DIPK2A: variants seen among roughly 807,000 people sequenced by gnomAD.
DIPK2A encodes divergent protein kinase domain 2A, also known as Golgi Protein of 49 kDa.
A neutral mutation model predicts 39.0 loss-of-function variants in DIPK2A; 27 were observed. The observed-to-expected ratio is 0.69, with a 90% confidence interval of 0.51 to 0.96. The LOEUF is 0.96. Among genes scored for constraint, DIPK2A ranks in the 40% least tolerant of loss-of-function variants. The pLI is 0.00. For missense variants in DIPK2A, 528 were observed against 571.3 expected, an observed-to-expected ratio of 0.92 and a Z score of 0.77; for synonymous variants, 298 against 240.8, an observed-to-expected ratio of 1.24 and a Z score of -2.20.
intron 1 of DIPK2A, among the ~76,000 whole-genome samples, chr3:143,980,902 CTT>C (rs914575606): frequency 8.6e-5 from 13 of 151,832 alleles, no homozygotes; most frequent in Admixed American, 7.9e-4. Flanking sequence ...GAATTTTGAT[CTT>C]TTAAATTTAG....
chr3:143,973,047 G>A lies in DIPK2A; in HGVS notation c.657+58G>A, dbSNP rs2087680763. 7 of 1,515,324 alleles carry A rather than the reference G, an allele frequency of 4.6e-6. No homozygotes were observed. In the South Asian group the frequency reaches 7.3e-5, roughly 16 times the overall value. 93.9% of individuals were successfully genotyped at this position (1,515,324 alleles called of 1,614,324 possible). On this transcript the variant is annotated intron_variant, in intron 1 of 2. Coordinates refer to ENST00000315691, the MANE Select transcript of DIPK2A (RefSeq NM_173552.5). ...GGAGGGGCCGCGCGTGGGAATCAGA[G>A]TCGGGAGAAGTGGCTCAGCCAGCGC...
At chr3:143,976,923 G>C (rs1456121058) in intron 1 of DIPK2A, among the ~76,000 whole-genome samples, 1 of 152,070 alleles carries the variant, frequency 6.6e-6, no homozygotes, top group East Asian at 1.9e-4. Flanking sequence ...ATAAAGTAAA[G>C]GTAACTTTAA....
In DIPK2A at chr3:143,990,035, A is replaced by T. The variant is rs1206481574; in HGVS notation, c.*194A>T. On this transcript the variant is annotated 3_prime_UTR_variant, in exon 3 of 3. Transcript: ENST00000315691. The stretch of plus-strand genomic sequence containing the variant: ...AAAATCACATGATGCTTCTGCAAAT[A>T]AGTATGTTCTTATACTTTGGAGGCT... 6.9e-6 allele frequency: 4 copies of T among 582,896 alleles called. No homozygotes were observed. Among genetic ancestry groups the T allele is most frequent in the Admixed American group, 3.1e-5 (1 of 32,610 alleles). 36.1% of individuals were successfully genotyped at this position (582,896 alleles called of 1,614,324 possible).
Position 143,972,970 on chromosome 3 carries a change from C to G in DIPK2A, c.638C>G (p.Pro213Arg). The change falls in exon 1 of 3, where the codon CCC becomes CGC. Residue 213 changes from proline (P) to arginine (R), a missense_variant. Transcript: ENST00000315691. ...CTGCTGCTGACCCTGGCCTTCAACC[C>G]CGAGCCGCTGGTGCTACAGGTAGGC... ...MQLLLTLAFNPEPLVLQSFPS... is the reference protein window; with the variant it reads ...MQLLLTLAFNREPLVLQSFPS... The G allele has an allele frequency of 6.3e-7, 1 of 1,587,478 alleles. No homozygotes were observed. Among genetic ancestry groups the G allele is most frequent in the Non-Finnish European group, 8.5e-7 (1 of 1,169,984 alleles).
rs2087960956 is a variant in DIPK2A at position 143,990,172 on chromosome 3, TA to T, written c.*332del. ...GTACATTGGCTTGTGTATCAAAGGG[TA>T]CTTGGTACTTAGTTTGCATTTACTA... On this transcript the variant is annotated 3_prime_UTR_variant, in exon 3 of 3. Coordinates refer to ENST00000315691, the MANE Select transcript of DIPK2A (RefSeq NM_173552.5). 1 of 197,098 alleles carries T rather than the reference TA, an allele frequency of 5.1e-6. No homozygotes were observed. The highest frequency in any genetic ancestry group is 1.0e-5 in the Non-Finnish European group (1 of 96,364). 12.2% of individuals were successfully genotyped at this position (197,098 alleles called of 1,614,324 possible).
chr3:143,990,091 C>T lies in DIPK2A; in HGVS notation c.*250C>T, dbSNP rs550371092. ...TGTCATCAGCTGCTCCCCACTACCC[C>T]GGAATGCTTGAGTGGATTAATGAAT... On this transcript the variant is annotated 3_prime_UTR_variant, in exon 3 of 3. Coordinates refer to ENST00000315691, the MANE Select transcript of DIPK2A (RefSeq NM_173552.5). The T allele has an allele frequency of 3.4e-5, 15 of 447,302 alleles. No homozygotes were observed. The highest frequency in any genetic ancestry group is 7.6e-5 in the Admixed American group (2 of 26,406). 27.7% of individuals were successfully genotyped at this position (447,302 alleles called of 1,614,324 possible).
chr3:143,979,015 A>G (rs2107842406), intron 1 of DIPK2A, among the ~76,000 whole-genome samples: 1 of 152,236 alleles, frequency 6.6e-6, no homozygotes, highest in East Asian at 1.9e-4. Flanking sequence ...AAATGTTTTC[A>G]GTTGTAAAGC....
In DIPK2A at chr3:143,972,548, G is replaced by A; in HGVS notation, c.216G>A (p.Val72=). 4 of 1,612,362 alleles carry A rather than the reference G, an allele frequency of 2.5e-6. No homozygotes were observed. The highest frequency in any genetic ancestry group is 3.4e-6 in the Non-Finnish European group (4 of 1,179,718). ...SWCRRFLNGQ[V]VFEAWGRLRL... Reference sequence around the variant, plus strand: ...GCCGCCGCTTCCTCAACGGGCAGGTGGTATTCGAGGCGTGGGGCCGCTTGC... The same window carrying A: ...GCCGCCGCTTCCTCAACGGGCAGGTAGTATTCGAGGCGTGGGGCCGCTTGC... Residue 72 remains valine, a synonymous_variant, in exon 1 of 3, where the codon GTG becomes GTA. Transcript: ENST00000315691.
chr3:143,973,387 C>G, intron 1 of DIPK2A: 2 of 1,548,982 alleles, frequency 1.3e-6, no homozygotes, highest in South Asian at 1.2e-5. Flanking sequence ...TTGGACCTTT[C>G]CTAGTTCTTC....
Position 143,989,994 on chromosome 3 carries a change from A to G in DIPK2A, c.*153A>G, listed in dbSNP as rs1048577536. On this transcript the variant is annotated 3_prime_UTR_variant, in exon 3 of 3. Coordinates refer to ENST00000315691, the MANE Select transcript of DIPK2A (RefSeq NM_173552.5). Reference sequence around the variant, plus strand: ...GATCTTAATGTTAACATCCATCAAAATAAGACATTACTTCAAAAATCACAT... The same window carrying G: ...GATCTTAATGTTAACATCCATCAAAGTAAGACATTACTTCAAAAATCACAT... The G allele has an allele frequency of 1.6e-6, 1 of 615,858 alleles. No individual in the cohort carries two copies. Among genetic ancestry groups the G allele is most frequent in the Non-Finnish European group, 2.8e-6 (1 of 354,162 alleles). 38.1% of individuals were successfully genotyped at this position (615,858 alleles called of 1,614,324 possible). A position where few individuals can be genotyped will look rare whatever the true frequency, so the allele number is the denominator to read the frequency against.
chr3:143,977,812 G>A (rs1359633637), intron 1 of DIPK2A, among the ~76,000 whole-genome samples: 1 of 151,924 alleles, frequency 6.6e-6, no homozygotes, highest in Non-Finnish European at 1.5e-5. Context: ...AACAATTTTG[G>A]ATACCTCAAG....
intron 1 of DIPK2A, chr3:143,973,794 C>T: frequency 3.5e-6 from 2 of 576,240 alleles, no homozygotes; most frequent in Non-Finnish European, 3.1e-6. Context: ...GTTGTTTGCT[C>T]TCGTCTGACT....
chr3:143,972,086 C>CG lies in DIPK2A; in HGVS notation c.-243dup. The stretch of plus-strand genomic sequence containing the variant: ...AGGAGGCGCCGCCGGAGTCGGAGGG[C>CG]GGGGAGCTAGGAGGAGGGAGCTCGA... On this transcript the variant is annotated 5_prime_UTR_variant, in exon 1 of 3. Coordinates refer to ENST00000315691, the MANE Select transcript of DIPK2A (RefSeq NM_173552.5). The CG allele has an allele frequency of 2.6e-6, 1 of 385,192 alleles. No homozygotes were observed. Among genetic ancestry groups the CG allele is most frequent in the Non-Finnish European group, 4.6e-6 (1 of 218,230 alleles). 23.9% of individuals were successfully genotyped at this position (385,192 alleles called of 1,614,324 possible).
rs151253605 is a variant in DIPK2A, at chr3:143,989,719, A to G, written c.1171A>G (p.Lys391Glu). 572 of 1,614,248 alleles carry G rather than the reference A, an allele frequency of 3.5e-4. 3 individuals carry two copies. The highest frequency in any genetic ancestry group is 6.7e-4 in the South Asian group (61 of 91,086). ...TCATGATCCACCAAGTGAAATTGCC[A>G]AAGATGGCCGGCTCGAGGCCTTGCT... ...LLHDPPSEIA[K>E]DGRLEALLDE... Residue 391 changes from lysine to glutamate, a missense_variant, in exon 3 of 3, where the codon AAA (lysine) becomes GAA (glutamate). By Grantham distance (56) the Lys-to-Glu change is moderately conservative. Coordinates refer to ENST00000315691, the MANE Select transcript of DIPK2A (RefSeq NM_173552.5).
chr3:143,985,268 C>T (rs56805765), intron 1 of DIPK2A, among the ~76,000 whole-genome samples: 8,562 of 152,196 alleles, frequency 0.056, 834 homozygotes, highest in African/African-American at 0.2. Flanking sequence ...ACAGTGTCTT[C>T]CCTCTTATTG....
chr3:143,986,722 C>CAAAAAAAAAA (rs11293429), intron 2 of DIPK2A, among the ~76,000 whole-genome samples: 5 of 66,914 alleles, frequency 7.5e-5, no homozygotes, highest in Non-Finnish European at 1.1e-4. Context: ...GACTCCGTCT[C>CAAAAAAAAAA]AAAAAAAAAA....
chr3:143,986,693 C>T (rs1223538576), intron 2 of DIPK2A, among the ~76,000 whole-genome samples: 1 of 148,934 alleles, frequency 6.7e-6, no homozygotes, highest in Non-Finnish European at 1.5e-5. Context: ...CCACTGCACT[C>T]CAGCCTGGGC....
At chr3:143,981,333 T>G (rs2087826204) in intron 1 of DIPK2A, among the ~76,000 whole-genome samples, 1 of 152,236 alleles carries the variant, frequency 6.6e-6, no homozygotes, top group Non-Finnish European at 1.5e-5. Context: ...TGTTTGATTC[T>G]ATAAGTCCCA....
chr3:143,987,753 C>T (rs1206767014), intron 2 of DIPK2A, among the ~76,000 whole-genome samples: 2 of 152,180 alleles, frequency 1.3e-5, no homozygotes, highest in African/African-American at 4.8e-5. Flanking sequence ...TTCTGCTTCT[C>T]CTTGCTTGTC....
Sources: gnomAD v4.1 joint callset for allele counts (sites outside exome capture counted in the v4.1 genomes callset) on GRCh38, gnomAD v4.1.1 for gene constraint, MANE v1.5 for transcripts, NCBI Gene and HGNC (gene_info 2026-07-23, HGNC 2026-07-21) for gene names.